The following GRIN3A variants were observed in gnomAD, a reference collection of about 807,000 sequenced individuals.
The protein encoded by GRIN3A is glutamate ionotropic receptor NMDA type subunit 3A, also known as glutamate receptor ionotropic, NMDA 3A.
In GRIN3A, 47 loss-of-function variants were observed where a neutral mutation model predicts 92.4. The observed-to-expected ratio is 0.51, with a 90% confidence interval of 0.40 to 0.65. The LOEUF (loss-of-function observed/expected upper bound fraction) is 0.65. GRIN3A is among the 30% of genes least tolerant of loss of function. The pLI, the probability that GRIN3A is intolerant of heterozygous loss-of-function variation, is 0.00. For missense variants in GRIN3A, 1,324 were observed against 1,393.1 expected, an observed-to-expected ratio of 0.95 and a Z score of 0.79; for synonymous variants, 527 against 540.6, an observed-to-expected ratio of 0.97 and a Z score of 0.35.
At chr9:101,718,534 T>C (rs963216279) in intron 1 of GRIN3A, among the ~76,000 whole-genome samples, 3 of 152,202 alleles carry the variant, frequency 2.0e-5, no homozygotes, top group Non-Finnish European at 4.4e-5. Flanking sequence ...GATCAGATAA[T>C]GAAGGGTCTT....
intron 5 of GRIN3A, among the ~76,000 whole-genome samples, chr9:101,615,194 T>TA (rs534330972): frequency 0.016 from 2,100 of 133,852 alleles, 43 homozygotes; most frequent in African/African-American, 0.045. Flanking sequence ...GACAGAATAG[T>TA]AAAAAAAAAA....
intron 2 of GRIN3A, among the ~76,000 whole-genome samples, chr9:101,674,133 A>C (rs1829362963): frequency 6.6e-6 from 1 of 152,044 alleles, no homozygotes; most frequent in Non-Finnish European, 1.5e-5. Context: ...TAAGAGATGA[A>C]AAATAAGGAG....
chr9:101,677,796 G>A (rs1055196503), intron 2 of GRIN3A, among the ~76,000 whole-genome samples: 1 of 151,976 alleles, frequency 6.6e-6, no homozygotes, highest in Non-Finnish European at 1.5e-5. Flanking sequence ...CTCCATATAT[G>A]GGACAGTTCT....
intron 3 of GRIN3A, among the ~76,000 whole-genome samples, chr9:101,630,941 T>C (rs958194503): frequency 6.6e-6 from 1 of 152,218 alleles, no homozygotes; most frequent in African/African-American, 2.4e-5. Flanking sequence ...AGTCTATTTT[T>C]CTATCCTGCT....
At chr9:101,668,449 T>C (rs7026717) in intron 3 of GRIN3A, among the ~76,000 whole-genome samples, 11,136 of 152,054 alleles carry the variant, frequency 0.073, 543 homozygotes, top group East Asian at 0.22. Flanking sequence ...TTCTCACAAA[T>C]AATCTAAGTT....
At chr9:101,596,636 T>C (rs556271786) in intron 6 of GRIN3A, among the ~76,000 whole-genome samples, 2 of 152,204 alleles carry the variant, frequency 1.3e-5, no homozygotes, top group Non-Finnish European at 2.9e-5. Flanking sequence ...CTCTATCTTT[T>C]GGGCATGCAC....
At chr9:101,595,820 G>A (rs910606864) in intron 6 of GRIN3A, among the ~76,000 whole-genome samples, 1 of 152,098 alleles carries the variant, frequency 6.6e-6, no homozygotes, top group Admixed American at 6.5e-5. Flanking sequence ...GGTGCCTGGC[G>A]GCTATTCTGC....
At position 101,736,268 on chromosome 9, in the gene GRIN3A, A is replaced by G. The variant is rs538556784; in HGVS notation, c.699+1013T>C. ...CAGTCGTTAAAATGGGCCCATGCCAATTACCTATTTGCTTCATAGATACTT... is the reference window on the plus strand; with the variant it reads ...CAGTCGTTAAAATGGGCCCATGCCAGTTACCTATTTGCTTCATAGATACTT... On this transcript the variant is annotated intron_variant, in intron 1 of 8. Coordinates refer to ENST00000361820, the MANE Select transcript of GRIN3A (RefSeq NM_133445.3). 7.2e-5 allele frequency among the ~76,000 whole-genome samples: 11 copies of G among 152,328 alleles called. 1 individual carries two copies. Among genetic ancestry groups the G allele is most frequent in the African/African-American group, 2.4e-4 (10 of 41,576 alleles).
chr9:101,671,151 G>T (rs201498755), intron 2 of GRIN3A, 44 bp from the exon 3 acceptor site: 1 of 1,310,012 alleles, frequency 7.6e-7, no homozygotes, highest in Non-Finnish European at 1.1e-6. Flanking sequence ...AAGCAGTGAG[G>T]CCTAAGATAG....
At position 101,686,732 on chromosome 9, in the gene GRIN3A, G is replaced by A; in HGVS notation, c.1168C>T (p.Gln390Ter). Reference protein sequence around the residue: ...TTQSVFEHYVQDAMELVARAV... With the variant: ...TTQSVFEHYV ...CTTGCGACCAGCTCCATAGCATCTTGTACGTAGTGCTCAAAGACAGACTGT... is the reference window on the plus strand; with the variant it reads ...CTTGCGACCAGCTCCATAGCATCTTATACGTAGTGCTCAAAGACAGACTGT... The change falls in exon 2 of 9, where the codon CAA becomes TAA. Residue 390 changes from glutamine (Q) to a stop codon, truncating the protein, a stop_gained. Coordinates refer to ENST00000361820, the MANE Select transcript of GRIN3A (RefSeq NM_133445.3). LOFTEE classifies it high-confidence loss of function. The A allele has an allele frequency of 6.2e-7, 1 of 1,614,186 alleles. No individual in the cohort carries two copies. Among genetic ancestry groups the A allele is most frequent in the Non-Finnish European group, 8.5e-7 (1 of 1,180,036 alleles).
At chr9:101,720,482 C>T (rs1016980111) in intron 1 of GRIN3A, among the ~76,000 whole-genome samples, 4 of 152,062 alleles carry the variant, frequency 2.6e-5, no homozygotes, top group Admixed American at 1.3e-4. Context: ...GACTCCATAT[C>T]CCCTTGGTCT....
chr9:101,648,201 T>G (rs915624185), intron 3 of GRIN3A, among the ~76,000 whole-genome samples: 3 of 152,028 alleles, frequency 2.0e-5, no homozygotes, highest in Non-Finnish European at 4.4e-5. Flanking sequence ...TAAATTTCCT[T>G]TTTAATTTCT....
At chr9:101,598,043 G>T (rs1828162530) in intron 6 of GRIN3A, among the ~76,000 whole-genome samples, 1 of 152,156 alleles carries the variant, frequency 6.6e-6, no homozygotes, top group African/African-American at 2.4e-5. Context: ...GGATAAAGTA[G>T]ATGAATCTTG....
At chr9:101,679,402 G>C (rs935108014) in intron 2 of GRIN3A, among the ~76,000 whole-genome samples, 1 of 152,148 alleles carries the variant, frequency 6.6e-6, no homozygotes, top group Non-Finnish European at 1.5e-5. Context: ...AATTTGAGCT[G>C]TATTCATCAA....
chr9:101,651,797 A>C (rs967673368), intron 3 of GRIN3A, among the ~76,000 whole-genome samples: 1 of 152,000 alleles, frequency 6.6e-6, no homozygotes, highest in Non-Finnish European at 1.5e-5. Context: ...CCCATTTAAA[A>C]ATGGCAATAG....
At chr9:101,679,956 G>T (rs947837160) in intron 2 of GRIN3A, among the ~76,000 whole-genome samples, 2 of 152,144 alleles carry the variant, frequency 1.3e-5, no homozygotes, top group Admixed American at 1.3e-4. Flanking sequence ...ATAGCTTCAG[G>T]CTGAAAGAAT....
intron 3 of GRIN3A, among the ~76,000 whole-genome samples, chr9:101,659,114 A>C (rs1395577805): frequency 6.6e-6 from 1 of 152,042 alleles, no homozygotes; most frequent in East Asian, 1.9e-4. Flanking sequence ...ATAAATATTT[A>C]TTGAGCATGA....
At chr9:101,683,800 A>G (rs965320908) in intron 2 of GRIN3A, among the ~76,000 whole-genome samples, 1 of 151,744 alleles carries the variant, frequency 6.6e-6, no homozygotes, top group African/African-American at 2.4e-5. Context: ...GGCAGAGGTT[A>G]TATACTAACC....
chr9:101,679,587 C>G (rs934968778), intron 2 of GRIN3A, among the ~76,000 whole-genome samples: 3 of 152,160 alleles, frequency 2.0e-5, no homozygotes, highest in African/African-American at 7.2e-5. Context: ...ACAAGGGTTC[C>G]TACTGAAAAC....
Sources: gnomAD v4.1 joint callset for allele counts (sites outside exome capture counted in the v4.1 genomes callset) on GRCh38, gnomAD v4.1.1 for gene constraint, MANE v1.5 for transcripts, NCBI Gene and HGNC (gene_info 2026-07-23, HGNC 2026-07-21) for gene names.